HMX1: variants seen among roughly 807,000 people sequenced by gnomAD.
HMX1 encodes the protein H6 family homeobox 1, also known as homeobox protein HMX1.
HMX1 carries 8 observed loss-of-function variants against 8.9 expected under a neutral mutation model. The ratio of observed to expected loss-of-function variants is 0.90; its 90% CI spans 0.53 to 1.63. The LOEUF (loss-of-function observed/expected upper bound fraction) is 1.63. HMX1 is among the 40% of genes most tolerant of loss of function. The pLI is 0.00. For synonymous variants in HMX1, 311 were observed against 283.4 expected (o/e 1.10, Z -0.98); for missense variants, 621 against 558.5 (o/e 1.11, Z -1.13).
chr4:8,852,005 C>T (rs756934000), intron 1 of HMX1, among the ~76,000 whole-genome samples: 50 of 152,354 alleles, frequency 3.3e-4, no homozygotes, highest in Non-Finnish European at 5.6e-4. Context: ...AGCTGGTTCC[C>T]GGGCAGGCAG....
rs1011572789 is a variant in HMX1 at position 8,849,054 on chromosome 4, T to TC, written c.395-2731dup. Among the ~76,000 whole-genome samples the TC allele has an allele frequency of 9.9e-5, 15 of 152,034 alleles. No homozygotes were observed. Among genetic ancestry groups the TC allele is most frequent in the African/African-American group, 2.9e-4 (12 of 41,512 alleles). Reference sequence around the variant, plus strand: ...ACCCGGCTGAGGGGGGTGGGCCTCCTCCCCCTGCCCGCTGCTCCATCGTGG... The same window carrying TC: ...ACCCGGCTGAGGGGGGTGGGCCTCCTCCCCCCTGCCCGCTGCTCCATCGTGG... On this transcript the variant is annotated intron_variant, in intron 1 of 1. Transcript: ENST00000506970. This position sits in a 1 kb window ranked among gnomAD's most constrained non-coding sequence, Gnocchi z 6.6.
At chr4:8,863,306 G>T (rs1391159364), downstream of HMX1, among the ~76,000 whole-genome samples, 1 of 152,196 alleles carries the variant, frequency 6.6e-6, no homozygotes, top group Non-Finnish European at 1.5e-5. Context: ...TGCAAGGTGG[G>T]GCGGAAGGCC....
chr4:8,858,964 T>G (rs1462200841), intron 1 of HMX1: 10 of 152,278 alleles, frequency 6.6e-5, no homozygotes, highest in Non-Finnish European at 5.9e-5. Context: ...GGGGCACCCC[T>G]TGTGGTGGGG....
intron 1 of HMX1, chr4:8,859,189 G>GC (rs369603923): frequency 0.066 from 9,942 of 149,928 alleles, 574 homozygotes; most frequent in African/African-American, 0.15. Flanking sequence ...TCCAAGGCTG[G>GC]CCCCCCCCCA....
downstream of HMX1, among the ~76,000 whole-genome samples, chr4:8,865,708 G>A (rs958017975): frequency 1.3e-5 from 2 of 152,176 alleles, no homozygotes; most frequent in Admixed American, 6.5e-5. Flanking sequence ...GAGTGGCCAC[G>A]AAGAGCCTCC....
In HMX1 at chr4:8,867,894, C is replaced by T. The variant is rs1323823088; in HGVS notation, c.846G>A (p.Val282=). The change falls in exon 2 of 2, where the codon GTG becomes GTA. Residue 282 remains valine, a synonymous_variant. Transcript: ENST00000400677. ...SPPGAQRLVR[V]PVLYHESPPA... ...GGGGGCTTTCGTGGTAGAGCACCGG[C>T]ACGCGGACCAGGCGCTGCGCTCCCG... 4.4e-6 allele frequency: 6 copies of T among 1,368,340 alleles called. No individual in the cohort carries two copies. The highest frequency in any genetic ancestry group is 1.5e-5 in the African/African-American group (1 of 66,266). The allele number at this position is 1,368,340 out of a possible 1,614,324, so 84.8% of individuals were successfully genotyped here. A position where few individuals can be genotyped will look rare whatever the true frequency, so the allele number is the denominator to read the frequency against.
intron 1 of HMX1, among the ~76,000 whole-genome samples, chr4:8,869,505 T>C (rs1056452668): frequency 6.6e-6 from 1 of 152,224 alleles, no homozygotes; most frequent in Non-Finnish European, 1.5e-5. Flanking sequence ...TGCAGTGTAT[T>C]TGCAGCATTT....
At position 8,871,399 on chromosome 4, in the gene HMX1, G is replaced by C; in HGVS notation, c.216C>G (p.Leu72=). 7.9e-7 allele frequency: 1 copy of C among 1,260,738 alleles called. No homozygotes were observed. The highest frequency in any genetic ancestry group is 4.3e-5 in the Admixed American group (1 of 23,450). The allele number at this position is 1,260,738 out of a possible 1,614,324, so 78.1% of individuals were successfully genotyped here. A position where few individuals can be genotyped will look rare whatever the true frequency, so the allele number is the denominator to read the frequency against. ...RRRLQRRRQL[L]AGTGPGGEAR... The stretch of plus-strand genomic sequence containing the variant: ...CCTCCCCGCCGGGCCCGGTGCCCGC[G>C]AGCAACTGTCGCCGCCGCTGTAGCC... The change falls in exon 1 of 2, where the codon CTC becomes CTG. Residue 72 remains leucine, a synonymous_variant. Transcript: ENST00000400677. This position sits in a 1 kb window ranked among gnomAD's most constrained non-coding sequence, Gnocchi z 4.8.
At chr4:8,859,347 C>G (rs1367897159) in intron 1 of HMX1, among the ~76,000 whole-genome samples, 1 of 152,034 alleles carries the variant, frequency 6.6e-6, no homozygotes, top group Admixed American at 6.5e-5. Context: ...ATTGACAGCC[C>G]TCCCAGAACC....
At chr4:8,855,134 T>A (rs1254312998) in intron 1 of HMX1, among the ~76,000 whole-genome samples, 1 of 152,226 alleles carries the variant, frequency 6.6e-6, no homozygotes, top group East Asian at 1.9e-4. Context: ...CCCCGTGGAC[T>A]CCACGCAGAT....
In HMX1 at chr4:8,871,706, C is replaced by G; in HGVS notation, c.-92G>C. The G allele has an allele frequency of 9.1e-7, 1 of 1,098,796 alleles. No individual in the cohort carries two copies. The highest frequency in any genetic ancestry group is 1.1e-6 in the Non-Finnish European group (1 of 903,350). 68.1% of individuals were successfully genotyped at this position (1,098,796 alleles called of 1,614,324 possible). The stretch of plus-strand genomic sequence containing the variant: ...TCCCGGGCGCACGCGCGGGCCGGCC[C>G]TGGAGCTGCTACCCGGACCGCTGGC... On this transcript the variant is annotated 5_prime_UTR_variant, in exon 1 of 2. Transcript: ENST00000400677. The surrounding 1 kb of genome is among the most constrained non-coding windows in gnomAD (Gnocchi z 4.8).
At chr4:8,846,161 G>T in exon 2 of HMX1, 1 of 1,118,664 alleles carries the variant, frequency 8.9e-7, no homozygotes, top group Non-Finnish European at 1.3e-6. Context: ...CGGGGGTCCA[G>T]GCTGACAAAG....
intron 1 of HMX1, among the ~76,000 whole-genome samples, chr4:8,859,827 G>A (rs557310398): frequency 5.0e-4 from 76 of 152,366 alleles, no homozygotes; most frequent in African/African-American, 1.6e-3. Context: ...GTCCCGGCCC[G>A]AAGAAAGCTT....
intron 1 of HMX1, chr4:8,860,620 A>G (rs1011447298): frequency 1.3e-5 from 2 of 152,382 alleles, no homozygotes; most frequent in Non-Finnish European, 2.9e-5. Context: ...CCACGGGCTA[A>G]GACGCAAGGC....
Position 8,868,603 on chromosome 4 carries a change from A to G in HMX1, c.395-258T>C, listed in dbSNP as rs1722110576. Among the ~76,000 whole-genome samples, 2 of 151,998 alleles carry G rather than the reference A, an allele frequency of 1.3e-5. No individual in the cohort carries two copies. Among genetic ancestry groups the G allele is most frequent in the Non-Finnish European group, 2.9e-5 (2 of 67,998 alleles). ...CCGCAACACACAAACACAAACGCAC[A>G]CCCATGCCAGAGGACAACAAAGGGA... On this transcript the variant is annotated intron_variant, in intron 1 of 1. Coordinates refer to ENST00000400677, the MANE Select transcript of HMX1 (RefSeq NM_018942.3). The surrounding 1 kb of genome is among the most constrained non-coding windows in gnomAD (Gnocchi z 4.6).
Position 8,868,174 on chromosome 4 carries a change from G to C in HMX1, c.566C>G (p.Ala189Gly). 2 of 1,497,972 alleles carry C rather than the reference G, an allele frequency of 1.3e-6. No homozygotes were observed. The highest frequency in any genetic ancestry group is 2.7e-5 in the East Asian group (1 of 36,750). The allele number at this position is 1,497,972 out of a possible 1,614,324, so 92.8% of individuals were successfully genotyped here. ...ASELAEVPAA[A>G]GETRGGVGVG... ...GCCAACGCCGCCGCGTGTCTCCCCAGCCGCCGCAGGGACCTCGGCCAGCTC... is the reference window on the plus strand; with the variant it reads ...GCCAACGCCGCCGCGTGTCTCCCCACCCGCCGCAGGGACCTCGGCCAGCTC... The change falls in exon 2 of 2, where the codon GCT (alanine) becomes GGT (glycine). Residue 189 changes from alanine (A) to glycine (G), a missense_variant. Coordinates refer to ENST00000400677, the MANE Select transcript of HMX1 (RefSeq NM_018942.3). This position sits in a 1 kb window ranked among gnomAD's most constrained non-coding sequence, Gnocchi z 4.6.
intron 1 of HMX1, among the ~76,000 whole-genome samples, chr4:8,846,624 A>G (rs1721284541): frequency 6.6e-6 from 1 of 152,082 alleles, no homozygotes; most frequent in South Asian, 2.1e-4. Flanking sequence ...GCCACCTGCA[A>G]CCCCATGAGT....
At chr4:8,856,502 G>A (rs1001336959) in intron 1 of HMX1, among the ~76,000 whole-genome samples, 1 of 152,114 alleles carries the variant, frequency 6.6e-6, no homozygotes, top group African/African-American at 2.4e-5. Flanking sequence ...AGGGGAGGAA[G>A]AAGGGGGCAC....
Position 8,871,393 on chromosome 4 carries a change from G to A in HMX1, c.222C>T (p.Gly74=). The A allele has an allele frequency of 8.0e-7, 1 of 1,250,838 alleles. No individual in the cohort carries two copies. Among genetic ancestry groups the A allele is most frequent in the Non-Finnish European group, 1.0e-6 (1 of 994,572 alleles). 77.5% of individuals were successfully genotyped at this position (1,250,838 alleles called of 1,614,324 possible). ...RLQRRRQLLA[G]TGPGGEARAR... ...CCCGCGCCTCCCCGCCGGGCCCGGT[G>A]CCCGCGAGCAACTGTCGCCGCCGCT... is the stretch of plus-strand genomic sequence containing the variant. Residue 74 remains glycine (G), a synonymous_variant, in exon 1 of 2, where the codon GGC becomes GGT. Coordinates refer to ENST00000400677, the MANE Select transcript of HMX1 (RefSeq NM_018942.3). The surrounding 1 kb of genome is among the most constrained non-coding windows in gnomAD (Gnocchi z 4.8).
Sources: allele counts gnomAD v4.1 joint callset (sites outside exome capture counted in the v4.1 genomes callset), GRCh38; gene constraint gnomAD v4.1.1; non-coding constraint Gnocchi (gnomAD v3.1); transcripts MANE v1.5; gene names NCBI Gene and HGNC (gene_info 2026-07-23, HGNC 2026-07-21).